The following AK5 variants were observed in gnomAD, a reference collection of about 807,000 sequenced individuals.
AK5 encodes the protein adenylate kinase isoenzyme 5.
Under a neutral mutation model 69.5 loss-of-function variants are expected in AK5, and 27 were observed. The observed-to-expected ratio is 0.39, with a 90% CI of 0.29 to 0.54. The LOEUF (loss-of-function observed/expected upper bound fraction) is 0.54, where lower values mean the gene tolerates loss of function less well. AK5 is among the 20% of genes least tolerant of loss of function. The probability of loss-of-function intolerance (pLI) is 0.71; values close to 1 mark genes in which losing one functional copy is unlikely to be tolerated. For missense variants in AK5, 531 were observed against 700.4 expected (o/e 0.76, Z 2.73); for synonymous variants, 260 against 244.4 (o/e 1.06, Z -0.60).
intron 6 of AK5, among the ~76,000 whole-genome samples, chr1:77,350,567 G>A (rs1030646395): frequency 2.0e-5 from 3 of 152,176 alleles, no homozygotes; most frequent in Non-Finnish European, 4.4e-5. Context: ...TGGAAGAGGC[G>A]TGACAAGGGC....
intron 6 of AK5, among the ~76,000 whole-genome samples, chr1:77,391,495 G>GTATATATATATATATATATA (rs753916010): frequency 1.7e-4 from 11 of 63,378 alleles, no homozygotes; most frequent in African/African-American, 2.6e-4. Context: ...GTGTGTGTGT[G>GTATATATATATATATATATA]TATATATATA....
At chr1:77,546,581 G>T (rs1659555579) in intron 13 of AK5, among the ~76,000 whole-genome samples, 1 of 152,112 alleles carries the variant, frequency 6.6e-6, no homozygotes, top group South Asian at 2.1e-4. Flanking sequence ...GTGGTGGTGT[G>T]CGTCTGTAAT....
In AK5 at chr1:77,393,243, A is replaced by G. The variant is rs1420145225; in HGVS notation, c.892-17738A>G. On this transcript the variant is annotated intron_variant, in intron 6 of 13. Coordinates refer to ENST00000354567, the MANE Select transcript of AK5 (RefSeq NM_174858.3). ...TTACTACTTCAGAGTAAACACATCA[A>G]TCTAGCTAGTTGTCAGGGCATAATT... Among the ~76,000 whole-genome samples, 6 of 152,312 alleles carry G rather than the reference A, an allele frequency of 3.9e-5. No homozygotes were observed. In the East Asian group the frequency reaches 9.6e-4, roughly 24 times the overall value.
intron 12 of AK5, among the ~76,000 whole-genome samples, chr1:77,523,703 TG>T (rs1658120668): frequency 6.6e-6 from 1 of 152,190 alleles, no homozygotes; most frequent in South Asian, 2.1e-4. Context: ...GACAAGGTTT[TG>T]CCCTGTTGCC....
intron 6 of AK5, among the ~76,000 whole-genome samples, chr1:77,353,384 A>C (rs1349661266): frequency 6.6e-6 from 1 of 152,184 alleles, no homozygotes; most frequent in Admixed American, 6.5e-5. Flanking sequence ...AGGCTGAGGC[A>C]GGAGAATCGC....
chr1:77,345,053 ACTTTGTGC>A lies in AK5; in HGVS notation c.891+4487_891+4494del, dbSNP rs1661844692. On this transcript the variant is annotated intron_variant, in intron 6 of 13. Coordinates refer to ENST00000354567, the MANE Select transcript of AK5 (RefSeq NM_174858.3). ...TTATTTTTTCCAGAATGCATTCAAA[ACTTTGTGC>A]CATTAGATGTTCTATTCAGCCAGAA... 5.3e-5 allele frequency among the ~76,000 whole-genome samples: 8 copies of A among 152,220 alleles called. No homozygotes were observed. The South Asian group carries it at 1.2e-3, about 24-fold the overall frequency.
intron 6 of AK5, among the ~76,000 whole-genome samples, chr1:77,344,477 CAGA>C (rs1394963238): frequency 6.6e-6 from 1 of 152,122 alleles, no homozygotes; most frequent in African/African-American, 2.4e-5. Flanking sequence ...CAATGTTTGG[CAGA>C]AGATTTTTCT....
intron 5 of AK5, among the ~76,000 whole-genome samples, chr1:77,331,246 T>G (rs1206535419): frequency 5.9e-5 from 9 of 152,126 alleles, no homozygotes; most frequent in Non-Finnish European, 4.4e-5. Context: ...AAATCTCTAT[T>G]ACAATGTTAA....
intron 6 of AK5, among the ~76,000 whole-genome samples, chr1:77,344,944 A>G (rs1277485775): frequency 6.6e-6 from 1 of 151,808 alleles, no homozygotes; most frequent in Admixed American, 6.6e-5. Context: ...TTTTTAAAAA[A>G]TATATGCAAT....
chr1:77,425,862 AG>A (rs1182945169), intron 8 of AK5, among the ~76,000 whole-genome samples: 1 of 152,220 alleles, frequency 6.6e-6, no homozygotes, highest in African/African-American at 2.4e-5. Context: ...TGTTATTACA[AG>A]GTACTTGCAC....
At chr1:77,289,712 CATTGTTT>C (rs1365163340) in intron 2 of AK5, among the ~76,000 whole-genome samples, 1 of 151,714 alleles carries the variant, frequency 6.6e-6, no homozygotes, top group East Asian at 1.9e-4. Context: ...AGAGAACAGT[CATTGTTT>C]AAAAACAGTC....
intron 6 of AK5, among the ~76,000 whole-genome samples, chr1:77,384,219 ACT>A (rs1462485575): frequency 6.6e-6 from 1 of 152,008 alleles, no homozygotes; most frequent in African/African-American, 2.4e-5. Flanking sequence ...AAATAAAGAA[ACT>A]CTACAGCGAC....
At chr1:77,518,515 T>G (rs1277117855) in intron 10 of AK5, 49 bp from the exon 11 acceptor site, 1 of 1,589,992 alleles carries the variant, frequency 6.3e-7, no homozygotes, top group South Asian at 1.1e-5. Flanking sequence ...CCATTAAAAA[T>G]GAGGCACCAG....
chr1:77,339,642 AT>A (rs1189738675), intron 5 of AK5, among the ~76,000 whole-genome samples: 2 of 124,018 alleles, frequency 1.6e-5, no homozygotes, highest in Admixed American at 2.0e-4. Flanking sequence ...ATTTAGCAAT[AT>A]CTTTTTTTTT....
intron 7 of AK5, among the ~76,000 whole-genome samples, chr1:77,413,101 A>G (rs1557573178): frequency 1.3e-5 from 2 of 152,042 alleles, no homozygotes; most frequent in Non-Finnish European, 1.5e-5. Flanking sequence ...GAGTACCCTT[A>G]GCACAGAAGA....
At chr1:77,520,615 G>A (rs1235172125) in intron 11 of AK5, among the ~76,000 whole-genome samples, 1 of 152,130 alleles carries the variant, frequency 6.6e-6, no homozygotes, top group Non-Finnish European at 1.5e-5. Flanking sequence ...TTTGGTCCTT[G>A]ACTTCATCCA....
chr1:77,545,705 C>T (rs1659508429), intron 13 of AK5, among the ~76,000 whole-genome samples: 1 of 152,184 alleles, frequency 6.6e-6, no homozygotes, highest in Non-Finnish European at 1.5e-5. Flanking sequence ...AATTTCCCAG[C>T]TCCTTGATGC....
chr1:77,340,239 C>A, intron 5 of AK5, 138 bp from the exon 6 acceptor site: 2 of 769,542 alleles, frequency 2.6e-6, no homozygotes, highest in Non-Finnish European at 4.1e-6. Flanking sequence ...GAGCAGCAGC[C>A]CTGGAAATAC....
At chr1:77,362,911 G>T (rs1646889475) in intron 6 of AK5, among the ~76,000 whole-genome samples, 1 of 152,164 alleles carries the variant, frequency 6.6e-6, no homozygotes, top group Admixed American at 6.5e-5. Flanking sequence ...CTGTCCTGAT[G>T]CAATGACCAT....
Sources: gnomAD v4.1 joint callset for allele counts (sites outside exome capture counted in the v4.1 genomes callset) on GRCh38, gnomAD v4.1.1 for gene constraint, MANE v1.5 for transcripts, NCBI Gene and HGNC (gene_info 2026-07-23, HGNC 2026-07-21) for gene names.